The following PCDHA2 variants were observed in gnomAD, a reference collection of about 807,000 sequenced individuals.
The protein encoded by PCDHA2 is protocadherin alpha-2.
PCDHA2 carries 58 observed loss-of-function variants against 66.0 expected under a neutral mutation model. The observed-to-expected ratio is 0.88, with a 90% CI of 0.71 to 1.09. PCDHA2 has a LOEUF of 1.09. Ranked by LOEUF, PCDHA2 falls within the 50% of genes least tolerant of loss-of-function variation. The probability of loss-of-function intolerance (pLI) is 0.00; values close to 1 mark genes in which losing one functional copy is unlikely to be tolerated. For synonymous variants in PCDHA2, 634 were observed against 554.0 expected, an observed-to-expected ratio of 1.14 and a Z score of -2.03; for missense variants, 1,267 against 1,242.3, an observed-to-expected ratio of 1.02 and a Z score of -0.30.
At chr5:140,981,327 A>C (rs1330138417) in intron 2 of PCDHA2, among the ~76,000 whole-genome samples, 1 of 152,196 alleles carries the variant, frequency 6.6e-6, no homozygotes, top group Non-Finnish European at 1.5e-5. Context: ...TAATCCCAGC[A>C]CTTTGGGAGG....
chr5:140,917,669 C>G (rs555314392), intron 1 of PCDHA2, among the ~76,000 whole-genome samples: 2 of 152,140 alleles, frequency 1.3e-5, no homozygotes, highest in Non-Finnish European at 2.9e-5. Context: ...AGTCCTTTCT[C>G]CATTGCTTGT....
intron 3 of PCDHA2, among the ~76,000 whole-genome samples, chr5:141,000,387 CTCTCTCTCTATATATATATA>C (rs1348939997): frequency 1.5e-5 from 1 of 66,898 alleles, no homozygotes; most frequent in Non-Finnish European, 2.8e-5. Context: ...CTCTCTCTCT[CTCTCTCTCTATATATATATA>C]TATATATATA....
At chr5:140,817,379 A>G (rs1251072338) in intron 1 of PCDHA2, 1 of 152,232 alleles carries the variant, frequency 6.6e-6, no homozygotes, top group Non-Finnish European at 1.5e-5. Flanking sequence ...GGCACTTATC[A>G]CCATGGGAAT....
chr5:140,803,274 C>T (rs782736507), intron 1 of PCDHA2: 1 of 1,614,028 alleles, frequency 6.2e-7, no homozygotes, highest in African/African-American at 1.3e-5. Flanking sequence ...GGAAGCTGCA[C>T]TGGTGGATGT....
chr5:140,937,199 G>A (rs2091405017), intron 1 of PCDHA2, among the ~76,000 whole-genome samples: 2 of 151,792 alleles, frequency 1.3e-5, no homozygotes, highest in Admixed American at 6.6e-5. Context: ...CACCATGCCC[G>A]GCTAATTTTT....
Position 140,966,695 on chromosome 5 carries a change from C to T in PCDHA2, c.2389-12254C>T, listed in dbSNP as rs2096038904. ...GGGTGGCACGAGCGGAGGCGGGGCC[C>T]GGGCGTGGGGCACGGCTGGGGAAGC... is the stretch of plus-strand genomic sequence containing the variant. On this transcript the variant is annotated intron_variant, in intron 1 of 3. Coordinates refer to ENST00000526136, the MANE Select transcript of PCDHA2 (RefSeq NM_018905.3). 4 of 1,358,486 alleles carry T rather than the reference C, an allele frequency of 2.9e-6. No individual in the cohort carries two copies. In the South Asian group the frequency reaches 5.2e-5, roughly 18 times the overall value. The allele number at this position is 1,358,486 out of a possible 1,614,324, so 84.2% of individuals were successfully genotyped here. A position where few individuals can be genotyped will look rare whatever the true frequency, so the allele number is the denominator to read the frequency against.
chr5:141,004,369 C>T (rs1239142670), intron 3 of PCDHA2, among the ~76,000 whole-genome samples: 1 of 152,324 alleles, frequency 6.6e-6, no homozygotes, highest in South Asian at 2.1e-4. Context: ...ACACCTTGTT[C>T]TGCTCTGCGG....
chr5:140,849,758 C>A (rs2150448460), intron 1 of PCDHA2: 1 of 1,598,492 alleles, frequency 6.3e-7, no homozygotes, highest in Non-Finnish European at 8.6e-7. Context: ...TGTCCGCCTA[C>A]GAGCTGGTGG....
chr5:140,862,898 CTG>C, intron 1 of PCDHA2: 2 of 555,934 alleles, frequency 3.6e-6, no homozygotes, highest in Non-Finnish European at 3.5e-6. Context: ...ACAACTTTGT[CTG>C]CGCTGCTGGC....
chr5:140,828,449 G>A (rs2150155406), intron 1 of PCDHA2: 1 of 1,614,280 alleles, frequency 6.2e-7, no homozygotes, highest in African/African-American at 1.3e-5. Flanking sequence ...TTTCCATGTG[G>A]ACGTGGAGGT....
intron 1 of PCDHA2, chr5:140,801,280 G>T: frequency 6.2e-7 from 1 of 1,613,574 alleles, no homozygotes; most frequent in Non-Finnish European, 8.5e-7. Context: ...GAGGTGGGGA[G>T]CGGCCAGCTC....
chr5:140,856,754 G>A (rs536378352), intron 1 of PCDHA2: 8 of 1,596,774 alleles, frequency 5.0e-6, no homozygotes, highest in African/African-American at 1.3e-5. Flanking sequence ...AGATGCCAAT[G>A]ATAACGCCCC....
At chr5:140,982,935 T>C (rs2097016879) in intron 3 of PCDHA2, among the ~76,000 whole-genome samples, 2 of 151,876 alleles carry the variant, frequency 1.3e-5, no homozygotes, top group African/African-American at 4.9e-5. Context: ...ACAAAGATCT[T>C]TTGGTTGAAG....
In PCDHA2 at chr5:140,982,309, G is replaced by A. The variant is rs1459964622; in HGVS notation, c.2448-166G>A. On this transcript the variant is annotated intron_variant, in intron 2 of 3. Coordinates refer to ENST00000526136, the MANE Select transcript of PCDHA2 (RefSeq NM_018905.3). Reference sequence around the variant, plus strand: ...TAAGTAAGTCAGCAATGCTTCTGCAGTTTATGCAGGGTGACTGCTCAGCAG... The same window carrying A: ...TAAGTAAGTCAGCAATGCTTCTGCAATTTATGCAGGGTGACTGCTCAGCAG... 5.4e-6 allele frequency: 7 copies of A among 1,306,624 alleles called. No homozygotes were observed. The Admixed American group carries it at 1.8e-4, about 34-fold the overall frequency. The allele number at this position is 1,306,624 out of a possible 1,614,324, so 80.9% of individuals were successfully genotyped here. A position where few individuals can be genotyped will look rare whatever the true frequency, so the allele number is the denominator to read the frequency against.
chr5:140,904,082 C>T (rs1189911248), intron 1 of PCDHA2, among the ~76,000 whole-genome samples: 3 of 152,108 alleles, frequency 2.0e-5, no homozygotes, highest in African/African-American at 7.2e-5. Context: ...TATTTGGTTA[C>T]ATGAATAACT....
chr5:140,837,617 C>T (rs1249058339), intron 1 of PCDHA2, among the ~76,000 whole-genome samples: 2 of 146,230 alleles, frequency 1.4e-5, no homozygotes, highest in Non-Finnish European at 3.0e-5. Flanking sequence ...TAATTTGCCC[C>T]TTCCTTCCTT....
chr5:140,945,605 C>G (rs564297850), intron 1 of PCDHA2, among the ~76,000 whole-genome samples: 1 of 152,166 alleles, frequency 6.6e-6, no homozygotes, highest in East Asian at 1.9e-4. Context: ...CTATAATAAT[C>G]AAAACAGCAT....
At chr5:140,834,099 A>C in intron 1 of PCDHA2, 1 of 391,774 alleles carries the variant, frequency 2.6e-6, no homozygotes, top group Non-Finnish European at 4.5e-6. Context: ...CAATGAAGAA[A>C]AAAATTCAGA....
chr5:140,858,481 T>C (rs782180300), intron 1 of PCDHA2: 5 of 1,507,736 alleles, frequency 3.3e-6, no homozygotes, highest in Non-Finnish European at 4.5e-6. Flanking sequence ...TTATGAATAA[T>C]ATTTTCTCTT....
Sources: allele counts gnomAD v4.1 joint callset (sites outside exome capture counted in the v4.1 genomes callset), GRCh38; gene constraint gnomAD v4.1.1; transcripts MANE v1.5; gene names NCBI Gene and HGNC (gene_info 2026-07-23, HGNC 2026-07-21).